Variants in CSNK1G1 observed in about 807,000 individuals in gnomAD.
The protein encoded by CSNK1G1 is casein kinase 1 gamma 1, also known as casein kinase I isoform gamma-1.
In CSNK1G1, 22 loss-of-function variants were observed where a neutral mutation model predicts 59.6. The ratio of observed to expected loss-of-function variants is 0.37; its 90% CI spans 0.26 to 0.53. CSNK1G1 has a LOEUF of 0.53. CSNK1G1 is among the 20% of genes least tolerant of loss of function. The pLI, the probability that CSNK1G1 is intolerant of heterozygous loss-of-function variation, is 0.89. For missense variants in CSNK1G1, 384 were observed against 519.5 expected (o/e 0.74, Z 2.54); for synonymous variants, 179 against 177.1 (o/e 1.01, Z -0.08).
chr15:64,264,672 C>G (rs982268796), intron 2 of CSNK1G1, among the ~76,000 whole-genome samples: 4 of 152,138 alleles, frequency 2.6e-5, no homozygotes, highest in African/African-American at 9.7e-5. Flanking sequence ...GATGATTCAC[C>G]ATGATCACAT....
At chr15:64,249,047 G>A (rs1490830279) in intron 4 of CSNK1G1, among the ~76,000 whole-genome samples, 5 of 152,170 alleles carry the variant, frequency 3.3e-5, no homozygotes, top group Admixed American at 1.3e-4. Context: ...GCGTGAACCC[G>A]GGAAGCGGAA....
chr15:64,259,575 A>G (rs1357103088), intron 2 of CSNK1G1, among the ~76,000 whole-genome samples: 1 of 152,108 alleles, frequency 6.6e-6, no homozygotes, highest in Non-Finnish European at 1.5e-5. Context: ...CAATTCAAGA[A>G]GAAATGCCAG....
At chr15:64,231,877 ATAC>A (rs1233238916) in intron 4 of CSNK1G1, among the ~76,000 whole-genome samples, 4 of 152,348 alleles carry the variant, frequency 2.6e-5, no homozygotes, top group African/African-American at 9.6e-5. Context: ...TAACATGAAC[ATAC>A]TGTAAGCTCA....
At chr15:64,235,141 G>A in intron 4 of CSNK1G1, among the ~76,000 whole-genome samples, 1 of 152,140 alleles carries the variant, frequency 6.6e-6, no homozygotes, top group East Asian at 1.9e-4. Context: ...TTGGTTCCTA[G>A]GAATTATCCA....
intron 1 of CSNK1G1, among the ~76,000 whole-genome samples, chr15:64,316,535 CAAAAAAA>C (rs66620488): frequency 8.6e-4 from 81 of 94,084 alleles, no homozygotes; most frequent in African/African-American, 3.0e-3. Flanking sequence ...GACTCTGTCT[CAAAAAAA>C]AAAAAAAAAA....
At chr15:64,181,521 T>G (rs2081813481) in intron 10 of CSNK1G1, 1 of 1,221,008 alleles carries the variant, frequency 8.2e-7, no homozygotes, top group African/African-American at 1.5e-5. Context: ...AGATTGTTTC[T>G]TATAGGTTGA....
chr15:64,321,239 CA>C (rs1566946679), intron 1 of CSNK1G1, among the ~76,000 whole-genome samples: 1 of 150,780 alleles, frequency 6.6e-6, no homozygotes, highest in East Asian at 1.9e-4. Context: ...TAAAAAAAAG[CA>C]TTTTTTTTCT....
intron 10 of CSNK1G1, chr15:64,189,346 T>C: frequency 8.3e-7 from 1 of 1,202,824 alleles, no homozygotes; most frequent in Non-Finnish European, 1.1e-6. Flanking sequence ...TTTACCTGCT[T>C]TTTACATCTG....
chr15:64,354,916 T>G (rs923435423), intron 1 of CSNK1G1, among the ~76,000 whole-genome samples: 3 of 152,194 alleles, frequency 2.0e-5, no homozygotes, highest in Non-Finnish European at 4.4e-5. Context: ...ATTATCTCCT[T>G]AAAAGATTAA....
At chr15:64,272,804 G>A (rs959740213) in intron 2 of CSNK1G1, among the ~76,000 whole-genome samples, 3 of 151,984 alleles carry the variant, frequency 2.0e-5, no homozygotes, top group African/African-American at 4.8e-5. Context: ...GGAGTGCAGC[G>A]GTGCAATCAC....
chr15:64,264,196 G>A (rs998112220), intron 2 of CSNK1G1, among the ~76,000 whole-genome samples: 2 of 151,848 alleles, frequency 1.3e-5, no homozygotes, highest in African/African-American at 4.8e-5. Flanking sequence ...TGTGAACGAA[G>A]GGGAAAAGCA....
At position 64,200,519 on chromosome 15, in the gene CSNK1G1, T is replaced by C. The variant is rs1166055369; in HGVS notation, c.1107+2563A>G. On this transcript the variant is annotated intron_variant, in intron 10 of 11. Transcript: ENST00000303052. The surrounding 1 kb of genome is among the most constrained non-coding windows in gnomAD (Gnocchi z 4.3). ...TGCCACCACACCCAGCTAATTTTTA[T>C]ATTTTTAGTAGAGACAGGGTTTCAC... 6.6e-6 allele frequency among the ~76,000 whole-genome samples: 1 copy of C among 152,142 alleles called. No individual in the cohort carries two copies. The highest frequency in any genetic ancestry group is 1.5e-5 in the Non-Finnish European group (1 of 68,036).
At chr15:64,238,518 A>AAAAATATATATATAT (rs1555396879) in intron 4 of CSNK1G1, among the ~76,000 whole-genome samples, 1 of 49,246 alleles carries the variant, frequency 2.0e-5, no homozygotes, top group African/African-American at 1.2e-4. Context: ...AAAAAAAAAA[A>AAAAATATATATATAT]ATATATATAT....
intron 1 of CSNK1G1, among the ~76,000 whole-genome samples, chr15:64,319,436 AATGCTTTGAGT>A (rs1896443701): frequency 1.3e-5 from 2 of 152,036 alleles, no homozygotes; most frequent in South Asian, 4.2e-4. Context: ...TTTTTCCAAA[AATGCTTTGAGT>A]AGCACTTTTA....
chr15:64,338,700 CAAAAAA>C (rs34206192), intron 1 of CSNK1G1, among the ~76,000 whole-genome samples: 1 of 31,532 alleles, frequency 3.2e-5, no homozygotes, highest in Non-Finnish European at 4.7e-5. Flanking sequence ...AACTCGGTCT[CAAAAAA>C]AAAAAAAAAA....
At chr15:64,239,179 A>G (rs2082660982) in intron 4 of CSNK1G1, among the ~76,000 whole-genome samples, 1 of 152,202 alleles carries the variant, frequency 6.6e-6, no homozygotes, top group Non-Finnish European at 1.5e-5. Context: ...TAGAAAGTTT[A>G]AGAGAGTCAA....
chr15:64,267,464 A>G (rs1596188238), intron 2 of CSNK1G1, among the ~76,000 whole-genome samples: 1 of 152,148 alleles, frequency 6.6e-6, no homozygotes, highest in East Asian at 1.9e-4. Context: ...CTCACTAACA[A>G]AAAACCCCAA....
Position 64,297,488 on chromosome 15 carries a change from C to T in CSNK1G1, c.181+2831G>A, listed in dbSNP as rs912516660. Among the ~76,000 whole-genome samples the T allele has an allele frequency of 3.9e-5, 6 of 152,110 alleles. No individual in the cohort carries two copies. In the South Asian group the frequency reaches 6.2e-4, roughly 16 times the overall value. ...CTTTGGAAGGCCAAGGCAGGAGAAT[C>T]GCTTGAGGCCAGGAGTTCAAGACCA... On this transcript the variant is annotated intron_variant, in intron 2 of 11. Coordinates refer to ENST00000303052, the MANE Select transcript of CSNK1G1 (RefSeq NM_022048.5).
At chr15:64,254,295 T>G (rs895030250) in intron 3 of CSNK1G1, among the ~76,000 whole-genome samples, 1 of 151,720 alleles carries the variant, frequency 6.6e-6, no homozygotes. Flanking sequence ...GAAAAAGTTC[T>G]GGAGATGGAT....
Sources: allele counts gnomAD v4.1 joint callset (sites outside exome capture counted in the v4.1 genomes callset), GRCh38; gene constraint gnomAD v4.1.1; non-coding constraint Gnocchi (gnomAD v3.1); transcripts MANE v1.5; gene names NCBI Gene and HGNC (gene_info 2026-07-23, HGNC 2026-07-21).